The following LINGO1 variants were observed in gnomAD, a reference collection of about 807,000 sequenced individuals.
LINGO1 encodes the protein leucine-rich repeat and immunoglobulin-like domain-containing nogo receptor-interacting protein 1.
In LINGO1, 11 loss-of-function variants were observed where a neutral mutation model predicts 37.3. That is an observed-to-expected ratio of 0.29 (90% confidence interval 0.19 to 0.49). The LOEUF (loss-of-function observed/expected upper bound fraction) is 0.49. LINGO1 is among the 20% of genes least tolerant of loss of function. LINGO1 has a pLI of 0.99. For synonymous variants in LINGO1, 387 were observed against 403.0 expected (o/e 0.96, Z 0.48); for missense variants, 585 against 878.2 (o/e 0.67, Z 4.22).
chr15:77,820,561 G>T (rs2077088743), upstream of LINGO1, among the ~76,000 whole-genome samples: 2 of 152,214 alleles, frequency 1.3e-5, no homozygotes, highest in South Asian at 4.1e-4. Context: ...TCCAGGTGAA[G>T]ACACCTGTCA....
At chr15:77,702,202 C>T (rs2075792838) in intron 2 of LINGO1, among the ~76,000 whole-genome samples, 1 of 152,192 alleles carries the variant, frequency 6.6e-6, no homozygotes, top group East Asian at 1.9e-4. Context: ...ACCCCATCCT[C>T]CACTAACACA....
chr15:77,801,593 G>T (rs962869213), intron 1 of LINGO1, among the ~76,000 whole-genome samples: 7 of 147,900 alleles, frequency 4.7e-5, no homozygotes, highest in African/African-American at 5.0e-5. Context: ...GAGTTAATGG[G>T]TTTTTTTTTT....
intron 3 of LINGO1, among the ~76,000 whole-genome samples, chr15:77,668,628 T>A (rs961121847): frequency 6.6e-6 from 1 of 151,976 alleles, no homozygotes; most frequent in Non-Finnish European, 1.5e-5. Flanking sequence ...CAGGAATACA[T>A]CCACATGGCA....
intron 3 of LINGO1, among the ~76,000 whole-genome samples, chr15:77,668,901 G>A (rs559716939): frequency 6.6e-6 from 1 of 151,810 alleles, no homozygotes; most frequent in South Asian, 2.1e-4. Flanking sequence ...TGTTGAGAAG[G>A]AAATAAAAAA....
At chr15:77,681,224 G>A (rs2075407783) in intron 2 of LINGO1, among the ~76,000 whole-genome samples, 1 of 127,848 alleles carries the variant, frequency 7.8e-6, no homozygotes, top group South Asian at 2.4e-4. Flanking sequence ...GGTTATTTCT[G>A]TGGGTTTTTT....
intron 1 of LINGO1, among the ~76,000 whole-genome samples, chr15:77,815,120 G>T (rs1207862642): frequency 6.6e-6 from 1 of 152,228 alleles, no homozygotes; most frequent in Non-Finnish European, 1.5e-5. Context: ...GACCCTGGTG[G>T]CTAGCAGTGC....
chr15:77,656,416 G>A (rs1054202129), intron 3 of LINGO1, among the ~76,000 whole-genome samples: 14 of 152,012 alleles, frequency 9.2e-5, no homozygotes, highest in Admixed American at 3.3e-4. Flanking sequence ...AGCCTACACC[G>A]CCTGCGAAGT....
chr15:77,614,457 C>A lies in LINGO1; in HGVS notation c.1450G>T (p.Val484Leu). 6.2e-7 allele frequency: 1 copy of A among 1,610,994 alleles called. No homozygotes were observed. Among genetic ancestry groups the A allele is most frequent in the Non-Finnish European group, 8.5e-7 (1 of 1,179,786 alleles). The change falls in exon 2 of 2, where the codon GTG becomes TTG. Residue 484 changes from valine (V) to leucine (L), a missense_variant. Val to Leu is a conservative substitution (Grantham distance 32). Transcript: ENST00000355300. ...TTGTCCTGTACCTGGGCGTAGCGCA[C>A]CTCCAGCGTGCCATCAGGGAAGACT... ...LTVFPDGTLE[V>L]RYAQVQDNGT...
chr15:77,793,773 G>C (rs1433283687), intron 2 of LINGO1, among the ~76,000 whole-genome samples: 15 of 152,172 alleles, frequency 9.9e-5, no homozygotes, highest in Admixed American at 9.2e-4. Flanking sequence ...AAGTGTAAAA[G>C]GCAAGTTAGA....
intron 1 of LINGO1, among the ~76,000 whole-genome samples, chr15:77,802,056 G>GGAGA (rs1415223807): frequency 6.6e-6 from 1 of 152,104 alleles, no homozygotes; most frequent in Non-Finnish European, 1.5e-5. Context: ...CTGCAGGAAG[G>GGAGA]GAGAGAGAGA....
In LINGO1 at chr15:77,694,241, T is replaced by C. The variant is rs1392254671; in HGVS notation, c.-281+2150A>G. 2.6e-5 allele frequency among the ~76,000 whole-genome samples: 4 copies of C among 152,128 alleles called. No homozygotes were observed. The South Asian group carries it at 8.3e-4, about 32-fold the overall frequency. ...TAATAGTTATTATTATTATTAGGAC[T>C]TCACAGATCACAGAACGCTCCCACC... On this transcript the variant is annotated intron_variant, in intron 1 of 3. Transcript: ENST00000559893.
chr15:77,790,078 G>C (rs141233236), upstream of LINGO1, among the ~76,000 whole-genome samples: 1 of 152,108 alleles, frequency 6.6e-6, no homozygotes, highest in East Asian at 1.9e-4. Context: ...AGCCCCTGCC[G>C]ACACCTTGAT....
intron 2 of LINGO1, among the ~76,000 whole-genome samples, chr15:77,726,872 C>T (rs2076107445): frequency 6.6e-6 from 1 of 152,190 alleles, no homozygotes; most frequent in Non-Finnish European, 1.5e-5. Context: ...ATCTAGAATA[C>T]ATAAAGAACT....
At chr15:77,686,072 C>T (rs1417630405) in intron 2 of LINGO1, among the ~76,000 whole-genome samples, 2 of 152,162 alleles carry the variant, frequency 1.3e-5, no homozygotes, top group East Asian at 1.9e-4. Context: ...GGTGTGAGTG[C>T]CTGGAAATCC....
chr15:77,670,530 C>T (rs1440922671), intron 3 of LINGO1, among the ~76,000 whole-genome samples: 2 of 152,254 alleles, frequency 1.3e-5, no homozygotes, highest in Non-Finnish European at 1.5e-5. Context: ...GTCCCCAGAG[C>T]TGGCATCTCA....
At chr15:77,783,852 T>C (rs1178000438) in intron 1 of LINGO1, among the ~76,000 whole-genome samples, 1 of 152,148 alleles carries the variant, frequency 6.6e-6, no homozygotes, top group Non-Finnish European at 1.5e-5. Context: ...CTGGACCCAC[T>C]CCAGCCGGGA....
intron 1 of LINGO1, among the ~76,000 whole-genome samples, chr15:77,776,637 G>A (rs1373625581): frequency 6.6e-6 from 1 of 152,060 alleles, no homozygotes; most frequent in African/African-American, 2.4e-5. Flanking sequence ...TGTCCTCCAT[G>A]GCTGTGCAGG....
intron 1 of LINGO1, among the ~76,000 whole-genome samples, chr15:77,786,608 G>T (rs1224917476): frequency 6.6e-6 from 1 of 152,204 alleles, no homozygotes. Context: ...GGGATGGCAG[G>T]TATGGGCTAC....
At chr15:77,796,530 C>A (rs1435101328) in intron 1 of LINGO1, among the ~76,000 whole-genome samples, 2 of 152,372 alleles carry the variant, frequency 1.3e-5, no homozygotes, top group South Asian at 2.1e-4. Flanking sequence ...CATGGCCTGG[C>A]TCACAGTAGG....
Sources: allele counts gnomAD v4.1 joint callset (sites outside exome capture counted in the v4.1 genomes callset), GRCh38; gene constraint gnomAD v4.1.1; transcripts MANE v1.5; gene names NCBI Gene and HGNC (gene_info 2026-07-23, HGNC 2026-07-21).